C1orf21: variants seen among roughly 807,000 people sequenced by gnomAD.
C1orf21 encodes the protein uncharacterized protein C1orf21.
C1orf21 carries 3 observed loss-of-function variants against 18.7 expected under a neutral mutation model. That is an observed-to-expected ratio of 0.16 (90% CI 0.07 to 0.42). The LOEUF is 0.42. Among genes scored for constraint, C1orf21 ranks in the 10% least tolerant of loss-of-function variants. The pLI is 0.99. For missense variants in C1orf21, 104 were observed against 143.6 expected, an observed-to-expected ratio of 0.72 and a Z score of 1.41; for synonymous variants, 41 against 46.4, an observed-to-expected ratio of 0.88 and a Z score of 0.47.
intron 1 of C1orf21, among the ~76,000 whole-genome samples, chr1:184,447,950 T>C (rs1657058473): frequency 6.6e-6 from 1 of 152,162 alleles, no homozygotes; most frequent in African/African-American, 2.4e-5. Flanking sequence ...TCAGACCTAT[T>C]TACAGCATGA....
At chr1:184,552,972 A>G (rs1006005903) in intron 3 of C1orf21, among the ~76,000 whole-genome samples, 1 of 152,224 alleles carries the variant, frequency 6.6e-6, no homozygotes, top group South Asian at 2.1e-4. Context: ...AGTTATTTCC[A>G]TGAATTCTGG....
At chr1:184,571,165 C>T (rs1159477161) in intron 3 of C1orf21, among the ~76,000 whole-genome samples, 1 of 150,866 alleles carries the variant, frequency 6.6e-6, no homozygotes, top group Non-Finnish European at 1.5e-5. Flanking sequence ...GGCGTAGTGG[C>T]GGGCGCCTGT....
In C1orf21 at chr1:184,627,389, C is replaced by G. The variant is rs1463884299; in HGVS notation, c.*7833C>G. ...TCAGAATACCAGCTATAAGCCAACA[C>G]TGTTTCCAGAAACTCAAGAAAAAGC... On this transcript the variant is annotated 3_prime_UTR_variant, in exon 6 of 6. Coordinates refer to ENST00000235307, the MANE Select transcript of C1orf21 (RefSeq NM_030806.4). 2.6e-5 allele frequency: 4 copies of G among 152,122 alleles called. No homozygotes were observed. The highest frequency in any genetic ancestry group is 9.7e-5 in the African/African-American group (4 of 41,396). The allele number at this position is 152,122 out of a possible 1,614,324, so 9.4% of individuals were successfully genotyped here.
At chr1:184,510,194 A>T (rs1309449364) in intron 3 of C1orf21, among the ~76,000 whole-genome samples, 1 of 152,240 alleles carries the variant, frequency 6.6e-6, no homozygotes, top group Admixed American at 6.5e-5. Context: ...TATTATGTAC[A>T]AAACACTCAC....
At chr1:184,581,429 CAAA>C (rs35666369) in intron 3 of C1orf21, among the ~76,000 whole-genome samples, 1 of 129,634 alleles carries the variant, frequency 7.7e-6, no homozygotes. Flanking sequence ...GACCCTGTCT[CAAA>C]AAAAAAAAAA....
intron 3 of C1orf21, among the ~76,000 whole-genome samples, chr1:184,586,169 CATT>C (rs1659349055): frequency 6.6e-6 from 1 of 151,958 alleles, no homozygotes; most frequent in South Asian, 2.1e-4. Context: ...GATAGTATCT[CATT>C]GTGGTTTTGA....
intron 1 of C1orf21, among the ~76,000 whole-genome samples, chr1:184,388,649 A>G (rs1655924562): frequency 6.8e-6 from 1 of 148,104 alleles, no homozygotes; most frequent in South Asian, 2.1e-4. Context: ...TTTGTAGGAG[A>G]CTGTCCAGAC....
intron 3 of C1orf21, among the ~76,000 whole-genome samples, chr1:184,533,431 G>GATGA (rs1658499981): frequency 6.6e-6 from 1 of 152,104 alleles, no homozygotes; most frequent in African/African-American, 2.4e-5. Flanking sequence ...ATATTTGCAG[G>GATGA]ATGAATGAAT....
At chr1:184,448,246 G>A (rs1472151915) in intron 1 of C1orf21, among the ~76,000 whole-genome samples, 1 of 152,112 alleles carries the variant, frequency 6.6e-6, no homozygotes. Flanking sequence ...ACTATGCCCA[G>A]CTAATTTTTG....
intron 1 of C1orf21, among the ~76,000 whole-genome samples, chr1:184,434,787 C>T (rs1656833400): frequency 6.6e-6 from 1 of 152,160 alleles, no homozygotes; most frequent in Non-Finnish European, 1.5e-5. Flanking sequence ...CTAAGACTTT[C>T]ATTCCTGGGC....
intron 3 of C1orf21, chr1:184,567,775 A>G (rs921460462): frequency 1.9e-4 from 51 of 264,628 alleles, no homozygotes; most frequent in African/African-American, 1.1e-3. Flanking sequence ...CATTACAAGG[A>G]AGTTCAAGCC....
chr1:184,571,237 C>T (rs967079771), intron 3 of C1orf21, among the ~76,000 whole-genome samples: 4 of 136,940 alleles, frequency 2.9e-5, no homozygotes, highest in African/African-American at 8.4e-5. Flanking sequence ...GCGGAGCTTG[C>T]AGTGAGCCGA....
At chr1:184,538,564 C>T (rs1399617601) in intron 3 of C1orf21, among the ~76,000 whole-genome samples, 1 of 152,060 alleles carries the variant, frequency 6.6e-6, no homozygotes, top group African/African-American at 2.4e-5. Flanking sequence ...TTGCCTTATG[C>T]TTTCTAATAA....
intron 1 of C1orf21, among the ~76,000 whole-genome samples, chr1:184,462,637 A>G (rs181695455): frequency 9.9e-4 from 151 of 152,298 alleles, no homozygotes; most frequent in African/African-American, 3.1e-3. Flanking sequence ...GCTGCTATTC[A>G]TATTTTTTTG....
intron 1 of C1orf21, among the ~76,000 whole-genome samples, chr1:184,390,056 AG>A (rs1467150652): frequency 6.6e-6 from 1 of 152,252 alleles, no homozygotes; most frequent in African/African-American, 2.4e-5. Flanking sequence ...GTAATCGTAC[AG>A]TAATTCCGGA....
chr1:184,470,163 A>T (rs574194493), intron 1 of C1orf21, among the ~76,000 whole-genome samples: 1 of 152,082 alleles, frequency 6.6e-6, no homozygotes, highest in Non-Finnish European at 1.5e-5. Context: ...TGGTAGTCTG[A>T]GTGTGCTTGG....
At chr1:184,472,458 T>C (rs1005690448) in intron 1 of C1orf21, among the ~76,000 whole-genome samples, 6 of 152,192 alleles carry the variant, frequency 3.9e-5, no homozygotes, top group African/African-American at 1.4e-4. Context: ...TGACAGGGAA[T>C]TTATCTACAA....
chr1:184,584,175 A>G (rs1659322521), intron 3 of C1orf21, among the ~76,000 whole-genome samples: 1 of 145,578 alleles, frequency 6.9e-6, no homozygotes, highest in African/African-American at 2.6e-5. Context: ...GATCTCTTTA[A>G]ACCTACCCTT....
intron 1 of C1orf21, among the ~76,000 whole-genome samples, chr1:184,420,748 A>AC (rs916984976): frequency 1.1e-4 from 17 of 150,904 alleles, no homozygotes; most frequent in African/African-American, 2.2e-4. Context: ...GTCTAAAATA[A>AC]CCCCCCCACA....
Sources: allele counts gnomAD v4.1 joint callset (sites outside exome capture counted in the v4.1 genomes callset), GRCh38; gene constraint gnomAD v4.1.1; transcripts MANE v1.5; gene names NCBI Gene and HGNC (gene_info 2026-07-23, HGNC 2026-07-21).